The following CNNM2 variants were observed in gnomAD, a reference collection of about 807,000 sequenced individuals.
CNNM2 encodes cyclin and CBS domain divalent metal cation transport mediator 2.
A neutral mutation model predicts 66.9 loss-of-function variants in CNNM2; 12 were observed. The ratio of observed to expected loss-of-function variants is 0.18; its 90% CI spans 0.11 to 0.29. CNNM2 has a LOEUF of 0.29. CNNM2 is among the 10% of genes least tolerant of loss of function. The pLI is 1.00. For synonymous variants in CNNM2, 557 were observed against 501.8 expected (o/e 1.11, Z -1.47); for missense variants, 705 against 1,167.7 (o/e 0.60, Z 5.77).
chr10:103,037,073 T>G (rs1358893063), intron 1 of CNNM2, among the ~76,000 whole-genome samples: 2 of 152,102 alleles, frequency 1.3e-5, no homozygotes, highest in East Asian at 1.9e-4. Flanking sequence ...CTGTTGTTCC[T>G]TACAATTGCA....
intron 1 of CNNM2, among the ~76,000 whole-genome samples, chr10:102,932,152 G>A (rs1846084822): frequency 6.6e-6 from 1 of 151,642 alleles, no homozygotes; most frequent in Non-Finnish European, 1.5e-5. Flanking sequence ...TCTTGGTAGT[G>A]ACCTTTGAAG....
intron 6 of CNNM2, among the ~76,000 whole-genome samples, chr10:103,073,148 G>A (rs1257341861): frequency 1.3e-5 from 2 of 152,238 alleles, no homozygotes; most frequent in Non-Finnish European, 2.9e-5. Flanking sequence ...CTCCTCCAGA[G>A]GGTGGCCATG....
intron 1 of CNNM2, among the ~76,000 whole-genome samples, chr10:103,029,532 AAG>A (rs1262770625): frequency 6.6e-6 from 1 of 151,590 alleles, no homozygotes; most frequent in Non-Finnish European, 1.5e-5. Flanking sequence ...TTAGATGTGA[AAG>A]AGAACCCTTC....
intron 1 of CNNM2, among the ~76,000 whole-genome samples, chr10:103,018,878 C>T (rs1210145558): frequency 3.3e-5 from 5 of 150,526 alleles, no homozygotes; most frequent in Non-Finnish European, 7.4e-5. Context: ...AGGATGGTCT[C>T]GATCTCCTGA....
rs1469244843 is a variant in CNNM2, at chr10:102,919,176, C to A, written c.696C>A (p.Thr232=). The change falls in exon 1 of 8, where the codon ACC becomes ACA. Residue 232 remains threonine, a synonymous_variant. Coordinates refer to ENST00000369878, the MANE Select transcript of CNNM2 (RefSeq NM_017649.5). ...GLPPPPWAET[T]WIYHDGEDTK... is the part of the protein sequence containing the mutation. Reference sequence around the variant, plus strand: ...CGCCGCCCCCGTGGGCCGAGACCACCTGGATTTACCACGACGGCGAGGACA... The same window carrying A: ...CGCCGCCCCCGTGGGCCGAGACCACATGGATTTACCACGACGGCGAGGACA... 3 of 1,611,648 alleles carry A rather than the reference C, an allele frequency of 1.9e-6. No individual in the cohort carries two copies. The highest frequency in any genetic ancestry group is 1.7e-6 in the Non-Finnish European group (2 of 1,179,990).
intron 3 of CNNM2, among the ~76,000 whole-genome samples, chr10:103,056,469 T>C (rs2065298902): frequency 6.6e-6 from 1 of 152,214 alleles, no homozygotes; most frequent in South Asian, 2.1e-4. Flanking sequence ...CTGTTATGGC[T>C]TGTTGAGGGG....
rs2134375928 is a variant in CNNM2 at position 103,079,226 on chromosome 10, T to C, written c.*2046T>C. On this transcript the variant is annotated 3_prime_UTR_variant, in exon 8 of 8. Transcript: ENST00000369878. ...GAGCACAACACCAGTGTGATGAGTG[T>C]ATAAAGATGAGGGGTCCTTGCAACA... 6.6e-6 allele frequency: 1 copy of C among 152,308 alleles called. No homozygotes were observed. Among genetic ancestry groups the C allele is most frequent in the East Asian group, 1.9e-4 (1 of 5,168 alleles). The allele number at this position is 152,308 out of a possible 1,614,324, so 9.4% of individuals were successfully genotyped here.
At chr10:102,941,442 T>C (rs1007314309) in intron 1 of CNNM2, among the ~76,000 whole-genome samples, 1 of 151,330 alleles carries the variant, frequency 6.6e-6, no homozygotes, top group Non-Finnish European at 1.5e-5. Flanking sequence ...ATAGCCAGCA[T>C]AAAAAAAAAT....
intron 1 of CNNM2, among the ~76,000 whole-genome samples, chr10:103,042,424 G>C (rs2134319385): frequency 6.6e-6 from 1 of 152,190 alleles, no homozygotes; most frequent in African/African-American, 2.4e-5. Context: ...CTACTGTTAT[G>C]TTCTCCACAG....
chr10:102,948,892 G>A (rs1183474522), intron 1 of CNNM2, among the ~76,000 whole-genome samples: 3 of 151,726 alleles, frequency 2.0e-5, no homozygotes, highest in Admixed American at 6.6e-5. Context: ...AGAGAGAGAG[G>A]CAAAATATAG....
chr10:103,002,790 T>A (rs932594567), intron 1 of CNNM2, among the ~76,000 whole-genome samples: 1 of 152,164 alleles, frequency 6.6e-6, no homozygotes, highest in African/African-American at 2.4e-5. Flanking sequence ...GTTGGAATCC[T>A]TATACATTGG....
intron 1 of CNNM2, among the ~76,000 whole-genome samples, chr10:103,014,331 G>T (rs771577149): frequency 2.6e-5 from 4 of 152,178 alleles, no homozygotes; most frequent in Non-Finnish European, 5.9e-5. Context: ...CATTGATGAA[G>T]CACCTGCAAT....
In CNNM2 at chr10:103,089,164, T is replaced by G. The variant is rs2134430167; in HGVS notation, c.*11984T>G. Reference sequence around the variant, plus strand: ...AGTCACTGAGGATGAATTAAAGGCTTATAAAAGAAAACTTGACCTTAACAG... The same window carrying G: ...AGTCACTGAGGATGAATTAAAGGCTGATAAAAGAAAACTTGACCTTAACAG... On this transcript the variant is annotated 3_prime_UTR_variant, in exon 8 of 8. Coordinates refer to ENST00000369878, the MANE Select transcript of CNNM2 (RefSeq NM_017649.5). 1 of 226,250 alleles carries G rather than the reference T, an allele frequency of 4.4e-6. No homozygotes were observed. The highest frequency in any genetic ancestry group is 6.4e-5 in the East Asian group (1 of 15,606). 14.0% of individuals were successfully genotyped at this position (226,250 alleles called of 1,614,324 possible).
chr10:103,054,561 GA>G lies in CNNM2; in HGVS notation c.1903+98del. 7.8e-7 allele frequency: 1 copy of G among 1,288,164 alleles called. No individual in the cohort carries two copies. The highest frequency in any genetic ancestry group is 1.1e-6 in the Non-Finnish European group (1 of 922,872). 79.8% of individuals were successfully genotyped at this position (1,288,164 alleles called of 1,614,324 possible). A position where few individuals can be genotyped will look rare whatever the true frequency, so the allele number is the denominator to read the frequency against. On this transcript the variant is annotated intron_variant, in intron 3 of 7. Transcript: ENST00000369878. This position sits in a 1 kb window ranked among gnomAD's most constrained non-coding sequence, Gnocchi z 5.2. Reference sequence around the variant, plus strand: ...GGGGTGGGTTGGGGGTGGACACTGGGAAATGGGGTGATAAGTAATGCCACTT... The same window carrying G: ...GGGGTGGGTTGGGGGTGGACACTGGGAATGGGGTGATAAGTAATGCCACTT...
At chr10:102,966,287 T>A (rs1042366248) in intron 1 of CNNM2, among the ~76,000 whole-genome samples, 3 of 152,180 alleles carry the variant, frequency 2.0e-5, no homozygotes, top group African/African-American at 7.2e-5. Context: ...GGTGGGTTAG[T>A]ATGAATTTTA....
chr10:103,047,918 T>A (rs1476394930), intron 1 of CNNM2, among the ~76,000 whole-genome samples: 1 of 152,170 alleles, frequency 6.6e-6, no homozygotes, highest in Non-Finnish European at 1.5e-5. Flanking sequence ...TTTAATTTTC[T>A]TTTCTTTTTT....
intron 4 of CNNM2, among the ~76,000 whole-genome samples, chr10:103,057,712 G>A (rs1410131351): frequency 2.0e-5 from 3 of 151,958 alleles, no homozygotes; most frequent in Admixed American, 1.3e-4. Flanking sequence ...TTCCATTAAC[G>A]CCATCAAAAT....
chr10:103,023,908 T>A (rs1946149115), intron 1 of CNNM2, among the ~76,000 whole-genome samples: 3 of 152,234 alleles, frequency 2.0e-5, no homozygotes, highest in Admixed American at 2.0e-4. Flanking sequence ...GATGTGATAA[T>A]TTTTAATTTT....
Position 103,085,395 on chromosome 10 carries a change from A to G in CNNM2, c.*8215A>G, listed in dbSNP as rs1010547363. ...GAGTAAACATTTTTCAGTGTGGGGAAGGTTTGCTTGGCAAATCTTCTTTCC... is the reference window on the plus strand; with the variant it reads ...GAGTAAACATTTTTCAGTGTGGGGAGGGTTTGCTTGGCAAATCTTCTTTCC... On this transcript the variant is annotated 3_prime_UTR_variant, in exon 8 of 8. Transcript: ENST00000369878. 1 of 152,210 alleles carries G rather than the reference A, an allele frequency of 6.6e-6. No homozygotes were observed. Among genetic ancestry groups the G allele is most frequent in the Non-Finnish European group, 1.5e-5 (1 of 68,040 alleles). 9.4% of individuals were successfully genotyped at this position (152,210 alleles called of 1,614,324 possible).
Sources: allele counts gnomAD v4.1 joint callset (sites outside exome capture counted in the v4.1 genomes callset), GRCh38; gene constraint gnomAD v4.1.1; non-coding constraint Gnocchi (gnomAD v3.1); transcripts MANE v1.5; gene names NCBI Gene and HGNC (gene_info 2026-07-23, HGNC 2026-07-21).